Variants in SLC35F4 observed in about 807,000 individuals in gnomAD.
SLC35F4 encodes the protein chromosome 14 open reading frame 36.
A neutral mutation model predicts 44.2 loss-of-function variants in SLC35F4; 24 were observed. That is an observed-to-expected ratio of 0.54 (90% CI 0.39 to 0.76). The LOEUF is 0.76. Among genes scored for constraint, SLC35F4 ranks in the 30% least tolerant of loss-of-function variants. SLC35F4 has a pLI of 0.00. For synonymous variants in SLC35F4, 238 were observed against 223.6 expected, an observed-to-expected ratio of 1.06 and a Z score of -0.57; for missense variants, 562 against 586.1, an observed-to-expected ratio of 0.96 and a Z score of 0.42.
intron 1 of SLC35F4, among the ~76,000 whole-genome samples, chr14:57,947,937 G>T (rs569380629): frequency 1.3e-5 from 2 of 152,170 alleles, no homozygotes; most frequent in African/African-American, 4.8e-5. Flanking sequence ...CTAGTATTTT[G>T]TTGAGAACTT....
At position 57,593,844 on chromosome 14, in the gene SLC35F4, G is replaced by A. The variant is rs540477853; in HGVS notation, c.289+95C>T. ...TCCCCACATGTACTCATAAGAGTCC[G>A]TGTAACATCTCTGCATTCTGTGACA... is the stretch of plus-strand genomic sequence containing the variant. On this transcript the variant is annotated intron_variant, in intron 2 of 7. Coordinates refer to ENST00000556826, the MANE Select transcript of SLC35F4 (RefSeq NM_001306087.2). 8.9e-6 allele frequency: 12 copies of A among 1,351,890 alleles called. No homozygotes were observed. In the East Asian group the frequency reaches 1.2e-4, roughly 13 times the overall value. The allele number at this position is 1,351,890 out of a possible 1,614,324, so 83.7% of individuals were successfully genotyped here.
intron 1 of SLC35F4, among the ~76,000 whole-genome samples, chr14:57,721,031 T>G (rs2076075315): frequency 9.7e-6 from 1 of 103,502 alleles, no homozygotes; most frequent in African/African-American, 3.5e-5. Context: ...AATAAACTCC[T>G]CATATATATA....
Position 57,865,842 on chromosome 14 carries a change from C to G in SLC35F4, c.-17G>C, listed in dbSNP as rs113946933. 1.3e-4 allele frequency: 196 copies of G among 1,486,044 alleles called. No individual in the cohort carries two copies. The highest frequency in any genetic ancestry group is 7.0e-4 in the Middle Eastern group (4 of 5,740). The allele number at this position is 1,486,044 out of a possible 1,614,324, so 92.1% of individuals were successfully genotyped here. On this transcript the variant is annotated 5_prime_UTR_variant, in exon 1 of 8. Coordinates refer to ENST00000556826, the MANE Select transcript of SLC35F4 (RefSeq NM_001306087.2). ...GACATCCATAGAGAGCGCGGGGCGA[C>G]GGCCCCGAGTGCGGCGGGGCGGAGA...
chr14:57,574,132 C>G (rs1415963209), intron 4 of SLC35F4, among the ~76,000 whole-genome samples: 2 of 152,018 alleles, frequency 1.3e-5, no homozygotes, highest in Non-Finnish European at 2.9e-5. Context: ...TTTCATTATC[C>G]CCAAGATATG....
intron 1 of SLC35F4, among the ~76,000 whole-genome samples, chr14:57,804,975 C>T (rs1176789181): frequency 2.6e-5 from 4 of 152,094 alleles, no homozygotes; most frequent in Admixed American, 6.6e-5. Flanking sequence ...TGAACAGACA[C>T]TTCTCAAAAG....
chr14:57,765,786 G>A (rs1326261749), intron 1 of SLC35F4, among the ~76,000 whole-genome samples: 2 of 152,080 alleles, frequency 1.3e-5, no homozygotes, highest in Non-Finnish European at 2.9e-5. Context: ...AATTAATATG[G>A]GCTATAAGTA....
At chr14:57,795,697 TTAAA>T (rs1392595098) in intron 1 of SLC35F4, among the ~76,000 whole-genome samples, 14 of 152,230 alleles carry the variant, frequency 9.2e-5, no homozygotes, top group African/African-American at 2.2e-4. Flanking sequence ...CCAAACAGAA[TTAAA>T]TAAATGAAAA....
chr14:57,773,886 C>T (rs988570605), intron 1 of SLC35F4, among the ~76,000 whole-genome samples: 14 of 152,098 alleles, frequency 9.2e-5, no homozygotes, highest in African/African-American at 1.2e-4. Context: ...GTATTAAATT[C>T]GTGCCACAAG....
At chr14:57,861,313 C>T (rs1201023635) in intron 1 of SLC35F4, among the ~76,000 whole-genome samples, 1 of 152,166 alleles carries the variant, frequency 6.6e-6, no homozygotes, top group Non-Finnish European at 1.5e-5. Flanking sequence ...GCCCCACACA[C>T]CTTACCCTAT....
Position 57,706,537 on chromosome 14 carries a change from A to C in SLC35F4, c.104-112413T>G, listed in dbSNP as rs538015966. On this transcript the variant is annotated intron_variant, in intron 1 of 7. Transcript: ENST00000556826. ...GTGACTTAAGTTCATAAATATAAGG[A>C]ATGTCATGAAGAAGAAATTCAGATG... Among the ~76,000 whole-genome samples, 5 of 152,310 alleles carry C rather than the reference A, an allele frequency of 3.3e-5. No homozygotes were observed. In the East Asian group the frequency reaches 7.7e-4, roughly 23 times the overall value.
chr14:57,737,903 T>C (rs1273967965), intron 1 of SLC35F4, among the ~76,000 whole-genome samples: 1 of 152,184 alleles, frequency 6.6e-6, no homozygotes, highest in African/African-American at 2.4e-5. Flanking sequence ...ATAAGGCTTA[T>C]TAGATTACAA....
At chr14:57,896,132 G>T (rs530902172) in intron 1 of SLC35F4, among the ~76,000 whole-genome samples, 75 of 152,234 alleles carry the variant, frequency 4.9e-4, no homozygotes, top group African/African-American at 1.7e-3. Flanking sequence ...AAATTCTTCT[G>T]GCTATGAAGT....
At chr14:57,640,278 G>A (rs932577186) in intron 1 of SLC35F4, among the ~76,000 whole-genome samples, 3 of 151,916 alleles carry the variant, frequency 2.0e-5, no homozygotes, top group African/African-American at 7.2e-5. Flanking sequence ...CCACTGAATA[G>A]AGGAAAGATA....
chr14:57,730,254 C>T (rs2076311604), intron 1 of SLC35F4, among the ~76,000 whole-genome samples: 1 of 152,060 alleles, frequency 6.6e-6, no homozygotes, highest in South Asian at 2.1e-4. Context: ...TTGGTGTTCC[C>T]GCAGGGGACA....
At chr14:57,924,911 TTTTG>T (rs563814048) in intron 1 of SLC35F4, among the ~76,000 whole-genome samples, 4 of 151,964 alleles carry the variant, frequency 2.6e-5, no homozygotes, top group South Asian at 2.1e-4. Flanking sequence ...TGCCTGTTAT[TTTTG>T]TTTGTTTGTT....
chr14:57,796,517 T>C (rs1038917982), intron 1 of SLC35F4, among the ~76,000 whole-genome samples: 6 of 152,218 alleles, frequency 3.9e-5, no homozygotes, highest in Non-Finnish European at 8.8e-5. Flanking sequence ...TATTTCTGCT[T>C]GTGCAACTTG....
At chr14:57,751,296 C>T (rs1209121189) in intron 1 of SLC35F4, among the ~76,000 whole-genome samples, 1 of 152,074 alleles carries the variant, frequency 6.6e-6, no homozygotes, top group Non-Finnish European at 1.5e-5. Context: ...TTAATATCTC[C>T]ATGTAGTTAG....
chr14:57,800,940 A>G (rs547281544), intron 1 of SLC35F4, among the ~76,000 whole-genome samples: 95 of 152,332 alleles, frequency 6.2e-4, no homozygotes, highest in Non-Finnish European at 6.9e-4. Context: ...GTTAGAAAAC[A>G]TACTTCAGGA....
intron 1 of SLC35F4, among the ~76,000 whole-genome samples, chr14:57,916,685 T>C (rs2141054974): frequency 6.6e-6 from 1 of 152,324 alleles, no homozygotes; most frequent in Middle Eastern, 3.4e-3. Context: ...TCTTTATTTT[T>C]TCTTTAATTT....
Sources: gnomAD v4.1 joint callset for allele counts (sites outside exome capture counted in the v4.1 genomes callset) on GRCh38, gnomAD v4.1.1 for gene constraint, MANE v1.5 for transcripts, NCBI Gene and HGNC (gene_info 2026-07-23, HGNC 2026-07-21) for gene names.